Variants in FBXL18 observed in about 807,000 individuals in gnomAD.
The protein encoded by FBXL18 is F-box and leucine rich repeat protein 18.
FBXL18 carries 36 observed loss-of-function variants against 46.0 expected under a neutral mutation model. The observed-to-expected ratio is 0.78, with a 90% CI of 0.60 to 1.03. The LOEUF (loss-of-function observed/expected upper bound fraction) is 1.03, where lower values mean the gene tolerates loss of function less well. Among genes scored for constraint, FBXL18 ranks in the 50% least tolerant of loss-of-function variants. FBXL18 has a pLI of 0.00. For synonymous variants in FBXL18, 557 were observed against 465.3 expected (o/e 1.20, Z -2.54); for missense variants, 977 against 1,004.1 (o/e 0.97, Z 0.36).
intron 3 of FBXL18, among the ~76,000 whole-genome samples, chr7:5,493,138 G>A (rs7789515): frequency 1.3e-5 from 2 of 152,078 alleles, no homozygotes; most frequent in Non-Finnish European, 2.9e-5. Flanking sequence ...AGTTTGAGAA[G>A]AGCCTGGGCG....
In FBXL18 at chr7:5,491,262, A is replaced by G; in HGVS notation, c.1969T>C (p.Cys657Arg). Reference protein sequence around the residue: ...HLFTGESLATCKSLQQSLLRS... With the variant: ...HLFTGESLATRKSLQQSLLRS... ...AGAAGCGACTGCTGCAGGCTCTTGC[A>G]GGTGGCGAGGGACTCCCCGGTGAAC... The change falls in exon 4 of 5, where the codon TGC becomes CGC. Residue 657 changes from cysteine (C) to arginine (R), a missense_variant. Coordinates refer to ENST00000382368, the MANE Select transcript of FBXL18 (RefSeq NM_024963.6). 6.2e-7 allele frequency: 1 copy of G among 1,613,102 alleles called. No homozygotes were observed. Among genetic ancestry groups the G allele is most frequent in the Non-Finnish European group, 8.5e-7 (1 of 1,179,744 alleles).
In FBXL18 at chr7:5,500,619, C is replaced by A. The variant is rs753341485; in HGVS notation, c.1650G>T (p.Leu550=). ...QLPSVLTGSG[L]VNIGLQCQQL... ...GCTGGCACTGCAGGCCGATATTGAC[C>A]AGCCCGGAGCCCGTAAGGACGCTGG... Residue 550 remains leucine, a synonymous_variant, in exon 3 of 5, where the codon CTG becomes CTT. Transcript: ENST00000382368. 6.2e-7 allele frequency: 1 copy of A among 1,613,248 alleles called. No homozygotes were observed. Among genetic ancestry groups the A allele is most frequent in the East Asian group, 2.2e-5 (1 of 44,872 alleles).
intron 3 of FBXL18, among the ~76,000 whole-genome samples, chr7:5,499,335 AACCG>A (rs1562698916): frequency 6.4e-4 from 1 of 1,554 alleles, no homozygotes; most frequent in African/African-American, 4.8e-3. Flanking sequence ...GGACCCTCTG[AACCG>A]ACTGCTCTCT....
chr7:5,507,223 G>A (rs577000391), intron 1 of FBXL18, among the ~76,000 whole-genome samples: 5 of 152,254 alleles, frequency 3.3e-5, no homozygotes, highest in African/African-American at 1.2e-4. Context: ...CTGCTACCAT[G>A]GCAACCGTGA....
At chr7:5,482,626 T>C (rs949504927) in intron 4 of FBXL18, among the ~76,000 whole-genome samples, 2 of 151,486 alleles carry the variant, frequency 1.3e-5, no homozygotes, top group African/African-American at 4.9e-5. Flanking sequence ...TGACCTCATT[T>C]TGCCTTCCCC....
chr7:5,486,062 AAAATAAATAAATAAATAAAT>A (rs36047680), intron 4 of FBXL18, among the ~76,000 whole-genome samples: 6 of 139,656 alleles, frequency 4.3e-5, no homozygotes, highest in Non-Finnish European at 1.5e-5. Context: ...CTGTCTCAAA[AAAATAAATAAATAAATAAAT>A]AAATAAATAA....
chr7:5,458,527 G>A (rs937356149), intron 4 of FBXL18, among the ~76,000 whole-genome samples: 4 of 151,796 alleles, frequency 2.6e-5, no homozygotes, highest in African/African-American at 7.3e-5. Context: ...ATGAAACTCC[G>A]TCTCTACTAA....
At chr7:5,490,263 C>T (rs371203573) in intron 4 of FBXL18, 16 of 1,268,388 alleles carry the variant, frequency 1.3e-5, no homozygotes, top group South Asian at 2.7e-5. Context: ...CCCCCTTGGC[C>T]GGGCGCACGC....
intron 4 of FBXL18, among the ~76,000 whole-genome samples, chr7:5,490,653 G>A (rs1783897783): frequency 6.6e-6 from 1 of 152,208 alleles, no homozygotes. Context: ...GGGCAGAGAT[G>A]TGAAAAATCC....
chr7:5,501,635 T>C lies in FBXL18; in HGVS notation c.634A>G (p.Ile212Val). The C allele has an allele frequency of 1.2e-6, 2 of 1,613,454 alleles. No homozygotes were observed. Among genetic ancestry groups the C allele is most frequent in the Non-Finnish European group, 1.7e-6 (2 of 1,179,860 alleles). The change falls in exon 3 of 5, where the codon ATC (isoleucine) becomes GTC (valine). Residue 212 changes from isoleucine to valine, a missense_variant. Coordinates refer to ENST00000382368, the MANE Select transcript of FBXL18 (RefSeq NM_024963.6). ...CCCACCATAAGCTGGCCCGAGAGGA[T>C]GGCGCCCTCGCGCGTGCGGTCCAGA... ...EILDRTREGA[I>V]LSGQLMVGQS...
chr7:5,511,916 T>TA (rs1291884317), intron 1 of FBXL18, among the ~76,000 whole-genome samples: 4 of 151,628 alleles, frequency 2.6e-5, no homozygotes, highest in Non-Finnish European at 4.4e-5. Context: ...ACCTCATCTC[T>TA]AAAAAAATTT....
Position 5,491,460 on chromosome 7 carries a change from A to G in FBXL18, c.1782-11T>C. On this transcript the variant is annotated splice_polypyrimidine_tract_variant and intron_variant, in intron 3 of 4. Coordinates refer to ENST00000382368, the MANE Select transcript of FBXL18 (RefSeq NM_024963.6). Reference sequence around the variant, plus strand: ...TAGGGCTGCTCCAGCCTGCGGGGAGAGAGGGCAGCTGTGAGGTCCGAGGGA... The same window carrying G: ...TAGGGCTGCTCCAGCCTGCGGGGAGGGAGGGCAGCTGTGAGGTCCGAGGGA... 1.9e-6 allele frequency: 3 copies of G among 1,561,528 alleles called. No individual in the cohort carries two copies. The highest frequency in any genetic ancestry group is 1.2e-5 in the South Asian group (1 of 85,818).
At chr7:5,497,278 C>T (rs1206663439) in intron 3 of FBXL18, among the ~76,000 whole-genome samples, 1 of 152,026 alleles carries the variant, frequency 6.6e-6, no homozygotes. Context: ...TCTGAAAAGT[C>T]GCCCGTCTGG....
intron 1 of FBXL18, among the ~76,000 whole-genome samples, chr7:5,508,511 A>G (rs1307405551): frequency 6.6e-6 from 1 of 151,030 alleles, no homozygotes; most frequent in Non-Finnish European, 1.5e-5. Context: ...CAAGAGGCTG[A>G]GGTGGGAGGA....
chr7:5,463,902 A>G (rs889536206), intron 4 of FBXL18, among the ~76,000 whole-genome samples: 1 of 150,488 alleles, frequency 6.6e-6, no homozygotes, highest in Non-Finnish European at 1.5e-5. Context: ...CACCACACCC[A>G]GCTAATTTTC....
At chr7:5,506,973 GGACCTAATGA>G (rs1477937619) in intron 1 of FBXL18, among the ~76,000 whole-genome samples, 3 of 152,194 alleles carry the variant, frequency 2.0e-5, no homozygotes, top group African/African-American at 7.2e-5. Flanking sequence ...GAGAAGAGCT[GGACCTAATGA>G]GACATGAAGT....
At chr7:5,502,159 G>C (rs4724705) in intron 2 of FBXL18, 128 bp from the exon 3 acceptor site, 619,231 of 684,498 alleles carry the variant, frequency 0.9, 280,458 homozygotes, top group Middle Eastern at 0.95. Context: ...CCCACCTCTC[G>C]CTGCCTACCT....
Position 5,505,486 on chromosome 7 carries a change from T to G in FBXL18, c.163A>C (p.Thr55Pro), listed in dbSNP as rs1413171988. 4 of 1,614,040 alleles carry G rather than the reference T, an allele frequency of 2.5e-6. No individual in the cohort carries two copies. In the African/African-American group the frequency reaches 4.0e-5, roughly 16 times the overall value. Residue 55 changes from threonine (T) to proline (P), a missense_variant, in exon 2 of 5, where the codon ACC (threonine) becomes CCC (proline). Transcript: ENST00000382368. ...CACAGGGCTGCAAGCTTCCGACAGGTACGCCGGACGTTCAGAATCAGATCT... is the reference window on the plus strand; with the variant it reads ...CACAGGGCTGCAAGCTTCCGACAGGGACGCCGGACGTTCAGAATCAGATCT... ...STDLILNVRR[T>P]CRKLAALCLD...
Position 5,505,580 on chromosome 7 carries a change from T to G in FBXL18, c.69A>C (p.Ala23=). 1.9e-6 allele frequency: 3 copies of G among 1,614,076 alleles called. No individual in the cohort carries two copies. Among genetic ancestry groups the G allele is most frequent in the South Asian group, 2.2e-5 (2 of 91,084 alleles). Reference sequence around the variant, plus strand: ...AGAACCCTAGGAGGTGGACCCCGTCTGCCATCCCGGCTGCTGCAGGGTGCA... The same window carrying G: ...AGAACCCTAGGAGGTGGACCCCGTCGGCCATCCCGGCTGCTGCAGGGTGCA... ...DDMHPAAAGM[A]DGVHLLGFSD... Residue 23 remains alanine (A), a synonymous_variant, in exon 2 of 5, where the codon GCA becomes GCC. Coordinates refer to ENST00000382368, the MANE Select transcript of FBXL18 (RefSeq NM_024963.6).
Sources: allele counts gnomAD v4.1 joint callset (sites outside exome capture counted in the v4.1 genomes callset), GRCh38; gene constraint gnomAD v4.1.1; transcripts MANE v1.5; gene names NCBI Gene and HGNC (gene_info 2026-07-23, HGNC 2026-07-21).